Variants in FAM185A observed in about 807,000 individuals in gnomAD.
FAM185A encodes protein FAM185A.
Under a neutral mutation model 45.7 loss-of-function variants are expected in FAM185A, and 21 were observed. The observed-to-expected ratio is 0.46, with a 90% CI of 0.33 to 0.66. The LOEUF (loss-of-function observed/expected upper bound fraction) is 0.66. FAM185A is among the 30% of genes least tolerant of loss of function. The pLI, the probability that FAM185A is intolerant of heterozygous loss-of-function variation, is 0.03. For missense variants in FAM185A, 305 were observed against 485.4 expected, an observed-to-expected ratio of 0.63 and a Z score of 3.49; for synonymous variants, 117 against 194.0, an observed-to-expected ratio of 0.60 and a Z score of 3.30.
chr7:102,821,952 T>C, the FAM185A span: 9 of 1,321,384 alleles, frequency 6.8e-6, no homozygotes, highest in Admixed American at 2.0e-5. Context: ...CACTGAAAGC[T>C]GCTATGTATT....
intron 4 of FAM185A, among the ~76,000 whole-genome samples, chr7:102,768,906 A>C (rs1316123034): frequency 1.3e-5 from 2 of 152,158 alleles, no homozygotes; most frequent in Non-Finnish European, 2.9e-5. Flanking sequence ...TATTATTTTC[A>C]GTGTTTGGAG....
chr7:102,807,008 A>T (rs1218543546), intron 7 of FAM185A, among the ~76,000 whole-genome samples: 1 of 152,180 alleles, frequency 6.6e-6, no homozygotes, highest in East Asian at 1.9e-4. Context: ...CATTGAGGAA[A>T]CTACCTATAC....
Position 102,778,069 on chromosome 7 carries a change from A to T in FAM185A, c.931+721A>T, listed in dbSNP as rs187364735. 9.5e-4 allele frequency among the ~76,000 whole-genome samples: 142 copies of T among 149,954 alleles called. 1 individual carries two copies. Among genetic ancestry groups the T allele is most frequent in the African/African-American group, 3.2e-3 (134 of 41,396 alleles). On this transcript the variant is annotated intron_variant, in intron 6 of 7. Transcript: ENST00000413034. The stretch of plus-strand genomic sequence containing the variant: ...AAGAACTGTAGCTCTGTATAAAAAA[A>T]TTTTTTTAAATAGTCTAGCAGCTCT...
the FAM185A span, among the ~76,000 whole-genome samples, chr7:102,847,035 A>C: frequency 1.3e-5 from 2 of 152,230 alleles, no homozygotes; most frequent in African/African-American, 2.4e-5. Flanking sequence ...TATGAAATTC[A>C]AATTTTCAGT....
At chr7:102,829,011 G>T in the FAM185A span, among the ~76,000 whole-genome samples, 1 of 152,174 alleles carries the variant, frequency 6.6e-6, no homozygotes. Context: ...AGGATAGGGG[G>T]TACTGACTGG....
intron 4 of FAM185A, among the ~76,000 whole-genome samples, chr7:102,765,583 A>G (rs960124757): frequency 6.6e-6 from 1 of 152,128 alleles, no homozygotes; most frequent in African/African-American, 2.4e-5. Context: ...GGAGCAATAT[A>G]TCTTTCCTGG....
At chr7:102,749,705 A>G in intron 1 of FAM185A, 47 bp downstream of exon 1, 1 of 1,492,976 alleles carries the variant, frequency 6.7e-7, no homozygotes, top group Non-Finnish European at 8.9e-7. Context: ...GGGAACGCAC[A>G]GTGAACTTAA....
Position 102,749,186 on chromosome 7 carries a change from G to A in FAM185A, c.-22G>A. On this transcript the variant is annotated 5_prime_UTR_variant, in exon 1 of 8. Coordinates refer to ENST00000413034, the MANE Select transcript of FAM185A (RefSeq NM_001145268.2). ...CCTCCCTGTGGCTGAAGTGTTCTGAGGACTGGCGAGAGAGGCGCGCCATGC... is the reference window on the plus strand; with the variant it reads ...CCTCCCTGTGGCTGAAGTGTTCTGAAGACTGGCGAGAGAGGCGCGCCATGC... The A allele has an allele frequency of 6.4e-7, 1 of 1,551,200 alleles. No individual in the cohort carries two copies. Among genetic ancestry groups the A allele is most frequent in the Non-Finnish European group, 8.7e-7 (1 of 1,146,898 alleles).
At chr7:102,773,343 G>A (rs1794869834) in intron 5 of FAM185A, among the ~76,000 whole-genome samples, 1 of 151,824 alleles carries the variant, frequency 6.6e-6, no homozygotes, top group Admixed American at 6.6e-5. Flanking sequence ...TGTTAGGGAA[G>A]TGATATATAA....
At chr7:102,834,093 A>AGG in the FAM185A span, among the ~76,000 whole-genome samples, 3 of 86,310 alleles carry the variant, frequency 3.5e-5, no homozygotes, top group African/African-American at 1.7e-4. Context: ...AAGAAAAGAA[A>AGG]GAAAGAAAGA....
chr7:102,821,840 G>A, the FAM185A span, among the ~76,000 whole-genome samples: 2 of 152,098 alleles, frequency 1.3e-5, no homozygotes, highest in South Asian at 4.1e-4. Context: ...TAAAGTAAAA[G>A]GCCTACTGGA....
At chr7:102,838,114 C>G in the FAM185A span, among the ~76,000 whole-genome samples, 1 of 152,188 alleles carries the variant, frequency 6.6e-6, no homozygotes, top group Non-Finnish European at 1.5e-5. Flanking sequence ...AGGCAGCATA[C>G]AGGGTTGGTT....
the FAM185A span, among the ~76,000 whole-genome samples, chr7:102,826,408 G>A: frequency 1.3e-5 from 2 of 151,904 alleles, no homozygotes; most frequent in African/African-American, 4.8e-5. Context: ...TTAAACCCCT[G>A]AACTGTGGGA....
intron 7 of FAM185A, among the ~76,000 whole-genome samples, chr7:102,806,589 TGAG>T (rs2129444077): frequency 6.6e-6 from 1 of 152,302 alleles, no homozygotes; most frequent in East Asian, 1.9e-4. Context: ...TTTTTGTGCT[TGAG>T]AAGAGTCCAC....
At chr7:102,831,431 A>ACACACACCCCCCCC in the FAM185A span, among the ~76,000 whole-genome samples, 152 of 147,196 alleles carry the variant, frequency 1.0e-3, 2 homozygotes, top group African/African-American at 3.7e-3. Flanking sequence ...ACACACACAC[A>ACACACACCCCCCCC]CCCCACTACA....
intron 5 of FAM185A, among the ~76,000 whole-genome samples, chr7:102,774,164 G>A (rs888994922): frequency 1.3e-5 from 2 of 151,724 alleles, no homozygotes; most frequent in African/African-American, 4.8e-5. Flanking sequence ...TAGAGATCTG[G>A]CACATTTTTT....
At chr7:102,803,380 T>C (rs1237876554) in intron 7 of FAM185A, among the ~76,000 whole-genome samples, 1 of 152,126 alleles carries the variant, frequency 6.6e-6, no homozygotes, top group African/African-American at 2.4e-5. Flanking sequence ...GTTTAACATA[T>C]GCAAGTCAAT....
the FAM185A span, among the ~76,000 whole-genome samples, chr7:102,850,460 G>A: frequency 6.6e-6 from 1 of 152,132 alleles, no homozygotes; most frequent in Non-Finnish European, 1.5e-5. Context: ...CACCATATGA[G>A]AAATATAACC....
chr7:102,781,436 C>T (rs748273695), intron 6 of FAM185A, among the ~76,000 whole-genome samples: 61 of 152,316 alleles, frequency 4.0e-4, no homozygotes, highest in Middle Eastern at 3.4e-3. Context: ...ACACCTCACA[C>T]GGCCAGGTAC....
Sources: gnomAD v4.1 joint callset for allele counts (sites outside exome capture counted in the v4.1 genomes callset) on GRCh38, gnomAD v4.1.1 for gene constraint, MANE v1.5 for transcripts, NCBI Gene and HGNC (gene_info 2026-07-23, HGNC 2026-07-21) for gene names.